The following AMZ1 variants were observed in gnomAD, a reference collection of about 807,000 sequenced individuals.
The protein encoded by AMZ1 is archaemetzincin-1.
Under a neutral mutation model 29.9 loss-of-function variants are expected in AMZ1, and 39 were observed. The observed-to-expected ratio is 1.30, with a 90% CI of 1.01 to 1.70. The LOEUF (loss-of-function observed/expected upper bound fraction) is 1.70, where lower values mean the gene tolerates loss of function less well. Ranked by LOEUF, AMZ1 falls within the 40% of genes most tolerant of loss-of-function variation. AMZ1 has a pLI of 0.00. For missense variants in AMZ1, 1,041 were observed against 680.6 expected, an observed-to-expected ratio of 1.53 and a Z score of -5.89; for synonymous variants, 458 against 304.0, an observed-to-expected ratio of 1.51 and a Z score of -5.27.
intron 3 of AMZ1, among the ~76,000 whole-genome samples, chr7:2,707,952 T>A (rs1485399141): frequency 7.0e-6 from 1 of 143,212 alleles, no homozygotes; most frequent in African/African-American, 2.8e-5. Context: ...GACTCCTGAG[T>A]AGTTGGGATT....
At chr7:2,720,792 C>T (rs992043134), downstream of AMZ1, among the ~76,000 whole-genome samples, 4 of 152,182 alleles carry the variant, frequency 2.6e-5, no homozygotes, top group Admixed American at 1.3e-4. Flanking sequence ...TCTCCTGCCT[C>T]AGCCTCCTAA....
At chr7:2,681,347 C>T (rs1583126242) in intron 1 of AMZ1, among the ~76,000 whole-genome samples, 1 of 152,246 alleles carries the variant, frequency 6.6e-6, no homozygotes. Flanking sequence ...CCTCAGCCTC[C>T]TAGGTGCATG....
At chr7:2,749,189 C>T (rs1202541342) in intron 4 of AMZ1, among the ~76,000 whole-genome samples, 1 of 152,122 alleles carries the variant, frequency 6.6e-6, no homozygotes, top group African/African-American at 2.4e-5. Flanking sequence ...ATAAATCATG[C>T]TGCTATAAAG....
At chr7:2,728,117 C>G (rs1189157101) in intron 4 of AMZ1, 2 of 151,556 alleles carry the variant, frequency 1.3e-5, no homozygotes, top group East Asian at 3.8e-4. Flanking sequence ...TTATATTAAG[C>G]AAAGAAAGAC....
upstream of AMZ1, among the ~76,000 whole-genome samples, chr7:2,686,639 GTCT>G (rs1316865478): frequency 2.6e-5 from 4 of 152,068 alleles, no homozygotes; most frequent in African/African-American, 9.7e-5. Context: ...GGCTTATGGG[GTCT>G]TCTTTTTGTT....
intron 1 of AMZ1, among the ~76,000 whole-genome samples, chr7:2,698,788 A>G (rs1198019859): frequency 6.6e-6 from 1 of 152,124 alleles, no homozygotes; most frequent in African/African-American, 2.4e-5. Context: ...GTGAGCTATG[A>G]TTGCACCACT....
intron 4 of AMZ1, among the ~76,000 whole-genome samples, chr7:2,750,229 C>G (rs1790965584): frequency 6.6e-6 from 1 of 152,232 alleles, no homozygotes. Context: ...CTGCAAGTCC[C>G]AGCTCTGCTT....
chr7:2,762,694 C>A, upstream of AMZ1: 1 of 1,577,886 alleles, frequency 6.3e-7, no homozygotes. Context: ...CCACGCTGCC[C>A]GGGTGGAGGA....
rs1317020597 is a variant in AMZ1, at chr7:2,737,269, G to GTTTTTTTTTTTTT, written n.551-27439_551-27438insTTTTTTTTTTTTT. 2.1e-4 allele frequency among the ~76,000 whole-genome samples: 8 copies of GTTTTTTTTTTTTT among 38,128 alleles called. 2 individuals carry two copies. Among genetic ancestry groups the GTTTTTTTTTTTTT allele is most frequent in the South Asian group, 1.6e-3 (2 of 1,284 alleles). The allele number at this position is 38,128 out of a possible 152,430, so 25.0% of individuals were successfully genotyped here. A position where few individuals can be genotyped will look rare whatever the true frequency, so the allele number is the denominator to read the frequency against. Reference sequence around the variant, plus strand: ...CATTCAGGAGCTATCTCACAGTTTTGTTTTGTTTTTTTTTTTTTTGTTTTT... The same window carrying GTTTTTTTTTTTTT: ...CATTCAGGAGCTATCTCACAGTTTTGTTTTTTTTTTTTTTTTTGTTTTTTTTTTTTTTGTTTTT... On this transcript the variant is annotated intron_variant and non_coding_transcript_variant, in intron 4 of 4. Coordinates refer to the AMZ1 transcript ENST00000489665.
downstream of AMZ1, among the ~76,000 whole-genome samples, chr7:2,720,045 G>A (rs901125690): frequency 6.6e-6 from 1 of 152,236 alleles, no homozygotes; most frequent in Non-Finnish European, 1.5e-5. Context: ...TAAATGAAAA[G>A]AGAATGTGTC....
At chr7:2,704,498 AC>A (rs1788235851) in intron 3 of AMZ1, among the ~76,000 whole-genome samples, 1 of 145,906 alleles carries the variant, frequency 6.9e-6, no homozygotes, top group Non-Finnish European at 1.5e-5. Flanking sequence ...AAAAATCACA[AC>A]CCCCATATAT....
At chr7:2,723,549 C>T (rs1447294854), downstream of AMZ1, among the ~76,000 whole-genome samples, 1 of 152,214 alleles carries the variant, frequency 6.6e-6, no homozygotes, top group Non-Finnish European at 1.5e-5. Flanking sequence ...CCCTTGGGAG[C>T]CAGCTGTCGG....
chr7:2,690,638 G>A (rs867304140), intron 1 of AMZ1, among the ~76,000 whole-genome samples: 2 of 152,118 alleles, frequency 1.3e-5, no homozygotes, highest in African/African-American at 2.4e-5. Context: ...CCACGTGCCC[G>A]CCACTGCTTG....
intron 1 of AMZ1, among the ~76,000 whole-genome samples, chr7:2,692,131 C>T (rs775829826): frequency 3.2e-4 from 48 of 152,204 alleles, no homozygotes; most frequent in Non-Finnish European, 6.0e-4. Context: ...CCTGTGGCGT[C>T]GGGTGCTCCG....
upstream of AMZ1, chr7:2,762,555 G>C (rs554427715): frequency 1.4e-6 from 2 of 1,385,284 alleles, no homozygotes; most frequent in Admixed American, 4.9e-5. Flanking sequence ...TCTGGAGTTA[G>C]ATCCAATGAC....
chr7:2,750,788 C>G (rs981872683), intron 4 of AMZ1, among the ~76,000 whole-genome samples: 10 of 152,170 alleles, frequency 6.6e-5, no homozygotes, highest in African/African-American at 2.2e-4. Flanking sequence ...TGTGAAGAAA[C>G]ACAGTGTGAA....
At chr7:2,756,765 T>C (rs968937336) in intron 4 of AMZ1, among the ~76,000 whole-genome samples, 5 of 152,270 alleles carry the variant, frequency 3.3e-5, no homozygotes, top group African/African-American at 1.2e-4. Flanking sequence ...TGATGGAACA[T>C]CACTTTTGTG....
rs1789903131 is a variant in AMZ1, at chr7:2,731,637, G to T, written n.550+21821G>T. ...ACCACTTCTGGCGCTGGGACCGCTG[G>T]CCGCCCACATCCACCATCTTAAAGG... On this transcript the variant is annotated intron_variant and non_coding_transcript_variant, in intron 4 of 4. Transcript: ENST00000489665. This position sits in a 1 kb window ranked among gnomAD's most constrained non-coding sequence, Gnocchi z 6.0. 1 of 1,613,766 alleles carries T rather than the reference G, an allele frequency of 6.2e-7. No individual in the cohort carries two copies. The highest frequency in any genetic ancestry group is 1.7e-5 in the Admixed American group (1 of 59,984).
At chr7:2,707,818 C>CTTTTTTTT (rs60848680) in intron 3 of AMZ1, among the ~76,000 whole-genome samples, 2 of 95,334 alleles carry the variant, frequency 2.1e-5, no homozygotes, top group African/African-American at 4.5e-5. Flanking sequence ...CTAACGAGGG[C>CTTTTTTTT]TTTTTTTTTT....
Sources: gnomAD v4.1 joint callset for allele counts (sites outside exome capture counted in the v4.1 genomes callset) on GRCh38, gnomAD v4.1.1 for gene constraint, Gnocchi (gnomAD v3.1) non-coding constraint, MANE v1.5 for transcripts, NCBI Gene and HGNC (gene_info 2026-07-23, HGNC 2026-07-21) for gene names.